The following CNST variants were observed in gnomAD, a reference collection of about 807,000 sequenced individuals.
CNST encodes consortin.
In CNST, 39 loss-of-function variants were observed where a neutral mutation model predicts 72.4. That is an observed-to-expected ratio of 0.54 (90% CI 0.42 to 0.70). CNST has a LOEUF of 0.70. CNST is among the 30% of genes least tolerant of loss of function. The pLI, the probability that CNST is intolerant of heterozygous loss-of-function variation, is 0.00. For synonymous variants in CNST, 332 were observed against 320.1 expected, an observed-to-expected ratio of 1.04 and a Z score of -0.40; for missense variants, 871 against 868.5, an observed-to-expected ratio of 1.00 and a Z score of -0.04.
intron 1 of CNST, among the ~76,000 whole-genome samples, chr1:246,590,199 C>T (rs572140125): frequency 5.9e-5 from 9 of 152,194 alleles, no homozygotes; most frequent in Non-Finnish European, 1.2e-4. Context: ...AAGGGGTCCA[C>T]GTGAAAGGGT....
chr1:246,634,990 G>GGGGTGCGTGTCTTCCAGCCA lies in CNST; in HGVS notation c.818+404_818+405insGGTGCGTGTCTTCCAGCCAG, dbSNP rs1489366089. On this transcript the variant is annotated intron_variant, in intron 6 of 10. Coordinates refer to ENST00000366513, the MANE Select transcript of CNST (RefSeq NM_152609.3). ...CGGCCGGGGTGCGTGTCTTCCGGCC[G>GGGGTGCGTGTCTTCCAGCCA]GCCCTCTTCCTGCTTCTGCTTCTCG... is the stretch of plus-strand genomic sequence containing the variant. Among the ~76,000 whole-genome samples, 5 of 149,614 alleles carry GGGGTGCGTGTCTTCCAGCCA rather than the reference G, an allele frequency of 3.3e-5. No homozygotes were observed. The East Asian group carries it at 6.1e-4, about 18-fold the overall frequency.
chr1:246,605,971 T>C (rs1466238269), intron 2 of CNST: 1 of 151,812 alleles, frequency 6.6e-6, no homozygotes, highest in Non-Finnish European at 1.5e-5. Context: ...CCCCAAGCTT[T>C]CGGCCCCGGG....
chr1:246,576,666 G>C (rs1258374644), intron 1 of CNST, among the ~76,000 whole-genome samples: 2 of 151,486 alleles, frequency 1.3e-5, no homozygotes, highest in Non-Finnish European at 2.9e-5. Context: ...GCACATTTTT[G>C]TATTTTTAAT....
intron 2 of CNST, among the ~76,000 whole-genome samples, chr1:246,597,360 G>A (rs539749576): frequency 2.6e-4 from 39 of 152,240 alleles, no homozygotes; most frequent in South Asian, 2.1e-3. Flanking sequence ...AAGAAATCAC[G>A]TACCCATTAG....
At chr1:246,658,108 T>C (rs1401178865) in intron 9 of CNST, among the ~76,000 whole-genome samples, 1 of 152,214 alleles carries the variant, frequency 6.6e-6, no homozygotes, top group Non-Finnish European at 1.5e-5. Flanking sequence ...CTTTTAAAAT[T>C]TTTGGAAAAA....
At chr1:246,618,600 C>T (rs1663847796) in intron 2 of CNST, among the ~76,000 whole-genome samples, 1 of 152,118 alleles carries the variant, frequency 6.6e-6, no homozygotes, top group Non-Finnish European at 1.5e-5. Flanking sequence ...TCTAATTGCC[C>T]ATTAGCCCCC....
At chr1:246,611,744 A>G (rs1663328644) in intron 2 of CNST, among the ~76,000 whole-genome samples, 1 of 152,228 alleles carries the variant, frequency 6.6e-6, no homozygotes, top group Non-Finnish European at 1.5e-5. Flanking sequence ...ACCCAAAAGA[A>G]TAGAAAGCAA....
chr1:246,633,913 GTTCTA>G lies in CNST; in HGVS notation c.617-7_617-3del. 9.6e-6 allele frequency: 15 copies of G among 1,559,796 alleles called. No individual in the cohort carries two copies. Among genetic ancestry groups the G allele is most frequent in the Non-Finnish European group, 1.2e-5 (14 of 1,130,594 alleles). Reference sequence around the variant, plus strand: ...GTGTGGATTTCTATTTTCCTTAAATGTTCTATTCAGATGAGAAAGCAATGAAATTC... The same window carrying G: ...GTGTGGATTTCTATTTTCCTTAAATGTTCAGATGAGAAAGCAATGAAATTC... On this transcript the variant is annotated splice_polypyrimidine_tract_variant and splice_region_variant and intron_variant, in intron 4 of 10. Coordinates refer to ENST00000366513, the MANE Select transcript of CNST (RefSeq NM_152609.3).
chr1:246,616,835 A>G (rs987238306), intron 2 of CNST, among the ~76,000 whole-genome samples: 13 of 151,730 alleles, frequency 8.6e-5, no homozygotes, highest in South Asian at 2.1e-4. Context: ...TTACAGGGGT[A>G]AGCCACTGCG....
At chr1:246,581,322 A>T (rs905342456) in intron 1 of CNST, among the ~76,000 whole-genome samples, 1 of 151,884 alleles carries the variant, frequency 6.6e-6, no homozygotes, top group East Asian at 1.9e-4. Flanking sequence ...CTGGAGTGCA[A>T]TGGCGCAATC....
intron 1 of CNST, among the ~76,000 whole-genome samples, chr1:246,571,238 TC>T (rs1660051281): frequency 1.3e-5 from 2 of 152,212 alleles, no homozygotes; most frequent in African/African-American, 4.8e-5. Flanking sequence ...AACCTCCACC[TC>T]CTGGGTTCAA....
Position 246,667,458 on chromosome 1 carries a change from C to T in CNST, c.*1553C>T, listed in dbSNP as rs1218788618. ...ACTTGTTCATTTTAAATTGATGTTT[C>T]ATTTTCACTTATAATACTGTTTGAC... On this transcript the variant is annotated 3_prime_UTR_variant, in exon 11 of 11. Coordinates refer to ENST00000366513, the MANE Select transcript of CNST (RefSeq NM_152609.3). 1 of 152,104 alleles carries T rather than the reference C, an allele frequency of 6.6e-6. No individual in the cohort carries two copies. The highest frequency in any genetic ancestry group is 2.4e-5 in the African/African-American group (1 of 41,408). 9.4% of individuals were successfully genotyped at this position (152,104 alleles called of 1,614,324 possible).
intron 10 of CNST, among the ~76,000 whole-genome samples, chr1:246,660,634 A>G (rs141979014): frequency 2.7e-4 from 41 of 152,180 alleles, no homozygotes; most frequent in African/African-American, 8.4e-4. Context: ...CTGAAGCAGG[A>G]GAATCGCTTG....
At chr1:246,578,681 A>AC (rs1434180320) in intron 1 of CNST, among the ~76,000 whole-genome samples, 21 of 152,102 alleles carry the variant, frequency 1.4e-4, no homozygotes, top group African/African-American at 5.1e-4. Flanking sequence ...AAAAAAAAAA[A>AC]CTATTGCCTC....
At chr1:246,576,682 C>T (rs547089762) in intron 1 of CNST, among the ~76,000 whole-genome samples, 1 of 151,792 alleles carries the variant, frequency 6.6e-6, no homozygotes, top group South Asian at 2.1e-4. Context: ...TTAATAGAGA[C>T]GGGATTTTTC....
chr1:246,610,670 G>C (rs987340935), intron 2 of CNST, among the ~76,000 whole-genome samples: 1 of 152,100 alleles, frequency 6.6e-6, no homozygotes, highest in East Asian at 1.9e-4. Context: ...CAGTCTTTCA[G>C]ATTGGCTCTG....
At chr1:246,651,976 G>GT (rs1666471449) in intron 9 of CNST, among the ~76,000 whole-genome samples, 1 of 152,152 alleles carries the variant, frequency 6.6e-6, no homozygotes, top group African/African-American at 2.4e-5. Flanking sequence ...GAAAATACAC[G>GT]TAAGGATTTT....
At chr1:246,577,450 T>C (rs1409929293) in intron 1 of CNST, among the ~76,000 whole-genome samples, 2 of 152,096 alleles carry the variant, frequency 1.3e-5, no homozygotes, top group Non-Finnish European at 2.9e-5. Flanking sequence ...AAAGTTTGTC[T>C]TCACTTGTGC....
At chr1:246,644,388 CAAAAAAAAA>C (rs58278885) in intron 8 of CNST, among the ~76,000 whole-genome samples, 2 of 102,186 alleles carry the variant, frequency 2.0e-5, no homozygotes, top group Non-Finnish European at 3.9e-5. Context: ...ACTCTGTCTC[CAAAAAAAAA>C]AAAAAAAAAA....
Sources: allele counts gnomAD v4.1 joint callset (sites outside exome capture counted in the v4.1 genomes callset), GRCh38; gene constraint gnomAD v4.1.1; transcripts MANE v1.5; gene names NCBI Gene and HGNC (gene_info 2026-07-23, HGNC 2026-07-21).